PRAMEF19: variants seen among roughly 807,000 people sequenced by gnomAD.
The protein encoded by PRAMEF19 is PRAME family member 19.
Under a neutral mutation model 33.1 loss-of-function variants are expected in PRAMEF19, and 21 were observed. The observed-to-expected ratio is 0.63, with a 90% CI of 0.45 to 0.91. The LOEUF is 0.91. Among genes scored for constraint, PRAMEF19 ranks in the 40% least tolerant of loss-of-function variants. The probability of loss-of-function intolerance (pLI) is 0.00; values close to 1 mark genes in which losing one functional copy is unlikely to be tolerated. For missense variants in PRAMEF19, 481 were observed against 585.2 expected, an observed-to-expected ratio of 0.82 and a Z score of 1.84; for synonymous variants, 179 against 229.3, an observed-to-expected ratio of 0.78 and a Z score of 1.98.
At chr1:13,371,579 G>A in intron 1 of PRAMEF19, 35 bp downstream of exon 1, 5 of 1,610,698 alleles carry the variant, frequency 3.1e-6, no homozygotes, top group Non-Finnish European at 4.2e-6. Context: ...CTTAGTCCCT[G>A]GACACCTGGG....
chr1:13,369,663 A>G (rs1262184851), intron 2 of PRAMEF19, 23 bp from the exon 3 acceptor site: 99 of 1,613,452 alleles, frequency 6.1e-5, no homozygotes, highest in Non-Finnish European at 8.2e-5. Context: ...AGAAGTTAGT[A>G]CTGGGCAATG....
At chr1:13,371,049 T>G in exon 2 of PRAMEF19, 5 of 1,612,070 alleles carry the variant, frequency 3.1e-6, no homozygotes, top group Non-Finnish European at 4.2e-6. Context: ...GATTTTTCCT[T>G]GAGGCAAACA....
downstream of PRAMEF19, chr1:13,368,929 A>G: frequency 7.4e-7 from 1 of 1,347,448 alleles, no homozygotes; most frequent in East Asian, 2.5e-5. Flanking sequence ...CCTGGACAAC[A>G]TAGGGAAACC....
rs1217773193 is a variant in PRAMEF19 at position 13,371,808 on chromosome 1, C to A, written c.93G>T (p.Leu31=). ...ACAGTCGGGGGAAGAGCTCCCTGGG[C>A]AGCTCATCCAGGACGGAGATGGCCA... The change falls in exon 1 of 3, where the codon CTG becomes CTT. Residue 31 remains leucine, a synonymous_variant. Coordinates refer to ENST00000376101, the Ensembl canonical transcript of PRAMEF19. 4 of 1,611,800 alleles carry A rather than the reference C, an allele frequency of 2.5e-6. No individual in the cohort carries two copies. In the East Asian group the frequency reaches 6.7e-5, roughly 27 times the overall value.
At chr1:13,369,677 C>T (rs543406523) in intron 2 of PRAMEF19, 37 bp from the exon 3 acceptor site, 1 of 1,612,886 alleles carries the variant, frequency 6.2e-7, no homozygotes, top group Admixed American at 1.7e-5. Context: ...GGCAATGGCA[C>T]CAGTTAGAGG....
exon 3 of PRAMEF19, chr1:13,369,438 C>G: frequency 6.2e-7 from 1 of 1,613,792 alleles, no homozygotes; most frequent in Non-Finnish European, 8.5e-7. Context: ...CCACAGTCCA[C>G]TAAGAAGAGG....
chr1:13,370,109 T>C (rs1443565205), intron 2 of PRAMEF19, among the ~76,000 whole-genome samples: 2 of 152,228 alleles, frequency 1.3e-5, no homozygotes, highest in African/African-American at 4.8e-5. Context: ...CCCATGTCAA[T>C]TACCTTTCCT....
exon 2 of PRAMEF19, chr1:13,370,891 T>G: frequency 6.2e-7 from 1 of 1,613,984 alleles, no homozygotes. Context: ...TTTCCAATAC[T>G]TGGATACTGT....
At chr1:13,371,297 A>T in intron 1 of PRAMEF19, 70 bp from the exon 2 acceptor site, 3 of 1,610,376 alleles carry the variant, frequency 1.9e-6, no homozygotes, top group Non-Finnish European at 2.5e-6. Context: ...CTTTCACTCC[A>T]CATCAAGGAC....
chr1:13,371,064 T>C, exon 2 of PRAMEF19: 1 of 1,612,120 alleles, frequency 6.2e-7, no homozygotes. Context: ...CAAACATCCA[T>C]GAACACCTTC....
chr1:13,369,631 C>G, exon 3 of PRAMEF19: 1 of 1,613,926 alleles, frequency 6.2e-7, no homozygotes, highest in Non-Finnish European at 8.5e-7. Flanking sequence ...CCAACGGGCT[C>G]TTGAGGCACC....
chr1:13,369,158 A>T (rs1413005135), exon 3 of PRAMEF19: 2 of 1,611,750 alleles, frequency 1.2e-6, no homozygotes, highest in Admixed American at 1.7e-5. Flanking sequence ...ACCAAAGAAG[A>T]TCCTGTTGGG....
chr1:13,369,256 C>T, exon 3 of PRAMEF19: 2 of 1,612,062 alleles, frequency 1.2e-6, no homozygotes, highest in Non-Finnish European at 1.7e-6. Flanking sequence ...TGTCAAGACT[C>T]TCCCGAGGGG....
exon 2 of PRAMEF19, chr1:13,370,894 G>T: frequency 6.2e-7 from 1 of 1,613,904 alleles, no homozygotes; most frequent in South Asian, 1.1e-5. Context: ...CCAATACTTG[G>T]ATACTGTCTG....
rs1640676408 is a variant in PRAMEF19, at chr1:13,371,852, G to A, written c.49C>T (p.Leu17=). The change falls in exon 1 of 3, where the codon CTG becomes TTG. Residue 17 remains leucine, a synonymous_variant. Transcript: ENST00000376101. ...ATGGCCAAGGCCTGGTCCCTCAGCA[G>A]GCTCTGCCCTGCCAGCTCCAGGAGT... is the stretch of plus-strand genomic sequence containing the variant. The A allele has an allele frequency of 4.3e-5, 69 of 1,611,990 alleles. No homozygotes were observed. The South Asian group carries it at 7.5e-4, about 17-fold the overall frequency.
At chr1:13,369,425 A>C in exon 3 of PRAMEF19, 1 of 1,613,434 alleles carries the variant, frequency 6.2e-7, no homozygotes, top group South Asian at 1.1e-5. Context: ...GGAGTCCCCA[A>C]TCCCACAGTC....
chr1:13,369,022 A>G (rs1640633876), downstream of PRAMEF19: 1 of 1,608,906 alleles, frequency 6.2e-7, no homozygotes, highest in East Asian at 2.2e-5. Flanking sequence ...CCTAGATTTT[A>G]GTTTCCAAGT....
exon 3 of PRAMEF19, chr1:13,369,189 T>C (rs1640636687): frequency 2.5e-6 from 4 of 1,611,876 alleles, no homozygotes. Context: ...TCCCTCAGTA[T>C]ACGCATCAGC....
At chr1:13,368,757 G>C (rs1392786128), downstream of PRAMEF19, among the ~76,000 whole-genome samples, 1 of 151,988 alleles carries the variant, frequency 6.6e-6, no homozygotes, top group African/African-American at 2.4e-5. Context: ...GGGTTTTTTT[G>C]TGTTTTTTTT....
Sources: gnomAD v4.1 joint callset for allele counts (sites outside exome capture counted in the v4.1 genomes callset) on GRCh38, gnomAD v4.1.1 for gene constraint, MANE v1.5 for transcripts, NCBI Gene and HGNC (gene_info 2026-07-23, HGNC 2026-07-21) for gene names.